The following FOXP1 variants were observed in gnomAD, a reference collection of about 807,000 sequenced individuals.
FOXP1 encodes forkhead box protein P1.
In FOXP1, 15 loss-of-function variants were observed where a neutral mutation model predicts 98.2. The ratio of observed to expected loss-of-function variants is 0.15; its 90% CI spans 0.10 to 0.24. FOXP1 has a LOEUF of 0.24. Among genes scored for constraint, FOXP1 ranks in the 10% least tolerant of loss-of-function variants. The pLI, the probability that FOXP1 is intolerant of heterozygous loss-of-function variation, is 1.00. For synonymous variants in FOXP1, 371 were observed against 314.5 expected, an observed-to-expected ratio of 1.18 and a Z score of -1.90; for missense variants, 633 against 848.5, an observed-to-expected ratio of 0.75 and a Z score of 3.15.
intron 5 of FOXP1, among the ~76,000 whole-genome samples, chr3:71,291,295 A>G (rs1396842396): frequency 6.6e-6 from 1 of 152,254 alleles, no homozygotes; most frequent in Non-Finnish European, 1.5e-5. Context: ...TAATTTTAAT[A>G]TTTTATTTAA....
At chr3:71,538,833 C>T (rs530795238) in intron 2 of FOXP1, among the ~76,000 whole-genome samples, 37 of 152,244 alleles carry the variant, frequency 2.4e-4, no homozygotes, top group African/African-American at 8.7e-4. Flanking sequence ...TTAATACTTT[C>T]GGGTCTTCGA....
intron 11 of FOXP1, among the ~76,000 whole-genome samples, chr3:71,017,327 G>A (rs1200025108): frequency 6.6e-6 from 1 of 151,864 alleles, no homozygotes; most frequent in African/African-American, 2.4e-5. Context: ...AGAATTCTCA[G>A]ATATTCTAAG....
At chr3:71,414,725 G>A (rs2108293901) in intron 3 of FOXP1, among the ~76,000 whole-genome samples, 1 of 152,348 alleles carries the variant, frequency 6.6e-6, no homozygotes, top group Admixed American at 6.5e-5. Context: ...TAGGAGCCTT[G>A]CTGGGAAACA....
At chr3:71,415,972 G>A (rs1242244578) in intron 3 of FOXP1, among the ~76,000 whole-genome samples, 1 of 152,152 alleles carries the variant, frequency 6.6e-6, no homozygotes, top group Non-Finnish European at 1.5e-5. Flanking sequence ...TGGGACTTCG[G>A]CATCTTTCGT....
rs141997007 is a variant in FOXP1, at chr3:71,438,267, G to A, written c.-168+55159C>T. On this transcript the variant is annotated intron_variant, in intron 3 of 20. Coordinates refer to ENST00000649528, the MANE Select transcript of FOXP1 (RefSeq NM_001349338.3). Reference sequence around the variant, plus strand: ...TTTCTGAATGAATGAATGAATGAATGTTGTCCCTTATTCTTCATTTTCTGG... The same window carrying A: ...TTTCTGAATGAATGAATGAATGAATATTGTCCCTTATTCTTCATTTTCTGG... Among the ~76,000 whole-genome samples the A allele has an allele frequency of 5.9e-5, 9 of 152,302 alleles. No individual in the cohort carries two copies. In the East Asian group the frequency reaches 1.7e-3, roughly 29 times the overall value.
At chr3:71,485,019 G>A (rs943505313) in intron 3 of FOXP1, among the ~76,000 whole-genome samples, 12 of 152,190 alleles carry the variant, frequency 7.9e-5, no homozygotes, top group African/African-American at 2.4e-4. Flanking sequence ...TGGTATGTCA[G>A]GTTAAAGACA....
At chr3:71,375,836 C>T (rs1156344264) in intron 3 of FOXP1, among the ~76,000 whole-genome samples, 1 of 152,152 alleles carries the variant, frequency 6.6e-6, no homozygotes, top group Non-Finnish European at 1.5e-5. Flanking sequence ...TGGTAAAAGT[C>T]GCTTTACAGC....
chr3:71,221,793 C>A lies in FOXP1; in HGVS notation c.-11-23401G>T, dbSNP rs1371070510. Among the ~76,000 whole-genome samples the A allele has an allele frequency of 5.3e-5, 8 of 152,354 alleles. No individual in the cohort carries two copies. The South Asian group carries it at 1.7e-3, about 32-fold the overall frequency. On this transcript the variant is annotated intron_variant, in intron 5 of 20. Transcript: ENST00000649528. Reference sequence around the variant, plus strand: ...TCTCTATGTTTCTACCTCTTACTTACAACTCTGCGTTGCAGACTCAATGCT... The same window carrying A: ...TCTCTATGTTTCTACCTCTTACTTAAAACTCTGCGTTGCAGACTCAATGCT...
intron 5 of FOXP1, among the ~76,000 whole-genome samples, chr3:71,231,683 A>C (rs2066299878): frequency 6.6e-6 from 1 of 152,264 alleles, no homozygotes; most frequent in African/African-American, 2.4e-5. Context: ...TTCCAGGGAA[A>C]TATAAGTTAA....
chr3:71,339,027 T>G (rs566039333), intron 4 of FOXP1, among the ~76,000 whole-genome samples: 1 of 152,372 alleles, frequency 6.6e-6, no homozygotes, highest in East Asian at 1.9e-4. Context: ...ATTCCATATC[T>G]GAGCCTTCTG....
chr3:71,540,161 T>G (rs1210733704), intron 2 of FOXP1, among the ~76,000 whole-genome samples: 1 of 152,230 alleles, frequency 6.6e-6, no homozygotes, highest in Non-Finnish European at 1.5e-5. Context: ...ATGACACAAG[T>G]TTGGTGAGGG....
At chr3:71,031,621 T>C (rs189742037) in intron 11 of FOXP1, among the ~76,000 whole-genome samples, 1 of 152,354 alleles carries the variant, frequency 6.6e-6, no homozygotes, top group Non-Finnish European at 1.5e-5. Flanking sequence ...GGATAATGAT[T>C]TTCTTTTTTC....
chr3:71,568,227 A>G (rs561967185), intron 2 of FOXP1, among the ~76,000 whole-genome samples: 23 of 152,204 alleles, frequency 1.5e-4, no homozygotes, highest in Non-Finnish European at 2.4e-4. Context: ...TACTCAATGC[A>G]TATCTAGGAG....
At chr3:71,541,573 A>C (rs2044818578) in intron 2 of FOXP1, among the ~76,000 whole-genome samples, 1 of 152,218 alleles carries the variant, frequency 6.6e-6, no homozygotes, top group South Asian at 2.1e-4. Context: ...TGAGGAGAGA[A>C]GCATGCTACT....
chr3:71,002,366 T>C (rs2042227640), intron 12 of FOXP1, among the ~76,000 whole-genome samples: 1 of 152,184 alleles, frequency 6.6e-6, no homozygotes, highest in Admixed American at 6.5e-5. Flanking sequence ...AGAGGAGACA[T>C]TATGGTGAAC....
chr3:71,529,366 T>C (rs1325792672), intron 2 of FOXP1, among the ~76,000 whole-genome samples: 1 of 152,232 alleles, frequency 6.6e-6, no homozygotes, highest in Admixed American at 6.5e-5. Context: ...TCAAACTCCT[T>C]ATGACATAAT....
At chr3:71,276,328 C>G (rs548435184) in intron 5 of FOXP1, 1 of 151,988 alleles carries the variant, frequency 6.6e-6, no homozygotes, top group East Asian at 1.9e-4. Flanking sequence ...AGTTTTGGTC[C>G]TATAATATAG....
Position 71,413,259 on chromosome 3 carries a change from GACACACACAC to G in FOXP1, c.-167-54025_-167-54016del, listed in dbSNP as rs528319234. ...TAGACACACACACATCCCCCAAATAGACACACACACACACACACACACACACACACACCCA... is the reference window on the plus strand; with the variant it reads ...TAGACACACACACATCCCCCAAATAGACACACACACACACACACACACCCA... On this transcript the variant is annotated intron_variant, in intron 3 of 20. Transcript: ENST00000649528. Among the ~76,000 whole-genome samples the G allele has an allele frequency of 2.5e-3, 162 of 64,474 alleles. 1 individual carries two copies. Among genetic ancestry groups the G allele is most frequent in the Admixed American group, 9.6e-3 (42 of 4,384 alleles). 42.3% of individuals were successfully genotyped at this position (64,474 alleles called of 152,430 possible).
rs148097914 is a variant in FOXP1 at position 71,116,538 on chromosome 3, T to C, written c.181-3901A>G. Reference sequence around the variant, plus strand: ...TAGTGCAGAGAATAATTCATTTTGATGTGAATTGCTATGAATTATCCCACA... The same window carrying C: ...TAGTGCAGAGAATAATTCATTTTGACGTGAATTGCTATGAATTATCCCACA... On this transcript the variant is annotated intron_variant, in intron 6 of 20. Coordinates refer to ENST00000649528, the MANE Select transcript of FOXP1 (RefSeq NM_001349338.3). 2.6e-3 allele frequency among the ~76,000 whole-genome samples: 397 copies of C among 152,356 alleles called. 2 individuals are homozygous for C. Among genetic ancestry groups the C allele is most frequent in the African/African-American group, 9.0e-3 (376 of 41,580 alleles).
Sources: gnomAD v4.1 joint callset for allele counts (sites outside exome capture counted in the v4.1 genomes callset) on GRCh38, gnomAD v4.1.1 for gene constraint, MANE v1.5 for transcripts, NCBI Gene and HGNC (gene_info 2026-07-23, HGNC 2026-07-21) for gene names.